CTNNA3: variants seen among roughly 807,000 people sequenced by gnomAD.
CTNNA3 encodes the protein catenin alpha 3.
CTNNA3 carries 76 observed loss-of-function variants against 95.7 expected under a neutral mutation model. The ratio of observed to expected loss-of-function variants is 0.79; its 90% CI spans 0.66 to 0.96. CTNNA3 has a LOEUF of 0.96. CTNNA3 is among the 40% of genes least tolerant of loss of function. CTNNA3 has a pLI of 0.00. For missense variants in CTNNA3, 1,191 were observed against 1,089.8 expected, an observed-to-expected ratio of 1.09 and a Z score of -1.31; for synonymous variants, 431 against 374.4, an observed-to-expected ratio of 1.15 and a Z score of -1.74.
intron 17 of CTNNA3, among the ~76,000 whole-genome samples, chr10:65,946,070 T>C (rs777296084): frequency 6.6e-6 from 1 of 152,240 alleles, no homozygotes; most frequent in African/African-American, 2.4e-5. Context: ...GATATGGCTC[T>C]GCCTCTTAAT....
At chr10:67,248,567 C>T (rs1217460633) in intron 5 of CTNNA3, among the ~76,000 whole-genome samples, 2 of 152,018 alleles carry the variant, frequency 1.3e-5, no homozygotes, top group Non-Finnish European at 2.9e-5. Context: ...AGGCATACAC[C>T]ACCACACTTG....
At chr10:67,168,181 C>T (rs1861864940) in intron 7 of CTNNA3, among the ~76,000 whole-genome samples, 1 of 152,026 alleles carries the variant, frequency 6.6e-6, no homozygotes, top group South Asian at 2.1e-4. Flanking sequence ...ATGATGTAGC[C>T]AAATTCTATT....
intron 5 of CTNNA3, among the ~76,000 whole-genome samples, chr10:67,333,856 T>C (rs1385330951): frequency 1.3e-5 from 2 of 152,154 alleles, no homozygotes; most frequent in East Asian, 3.9e-4. Context: ...AATCAACTGA[T>C]AATGGCTGGC....
At chr10:66,747,262 A>C (rs142800763) in intron 9 of CTNNA3, among the ~76,000 whole-genome samples, 210 of 152,328 alleles carry the variant, frequency 1.4e-3, no homozygotes, top group African/African-American at 4.6e-3. Flanking sequence ...AAAGGCACTC[A>C]GTCTGTTAAC....
chr10:67,689,983 G>T (rs1387878967), intron 1 of CTNNA3, among the ~76,000 whole-genome samples: 1 of 152,176 alleles, frequency 6.6e-6, no homozygotes, highest in African/African-American at 2.4e-5. Context: ...GTCCAGAATT[G>T]GTTGCTTCTG....
intron 7 of CTNNA3, among the ~76,000 whole-genome samples, chr10:67,007,260 C>T (rs1427976519): frequency 1.3e-5 from 2 of 152,138 alleles, no homozygotes; most frequent in Non-Finnish European, 2.9e-5. Flanking sequence ...CTGTGACTCA[C>T]CATGTATTTC....
At chr10:67,261,594 G>A (rs374581545) in intron 5 of CTNNA3, among the ~76,000 whole-genome samples, 273 of 152,226 alleles carry the variant, frequency 1.8e-3, no homozygotes, top group South Asian at 0.013. Context: ...ACTACATTGC[G>A]TAACATCACC....
At chr10:67,685,834 T>G (rs1308429409) in intron 1 of CTNNA3, among the ~76,000 whole-genome samples, 1 of 152,120 alleles carries the variant, frequency 6.6e-6, no homozygotes, top group African/African-American at 2.4e-5. Flanking sequence ...CTCTTCCTCT[T>G]TCCTTGTTTG....
chr10:66,757,092 G>A (rs557825031), intron 9 of CTNNA3, among the ~76,000 whole-genome samples: 1 of 152,270 alleles, frequency 6.6e-6, no homozygotes, highest in African/African-American at 2.4e-5. Flanking sequence ...TTCATGCACA[G>A]CAATAATTGA....
intron 5 of CTNNA3, among the ~76,000 whole-genome samples, chr10:67,322,573 A>G (rs1841367826): frequency 6.6e-6 from 1 of 152,214 alleles, no homozygotes; most frequent in South Asian, 2.1e-4. Context: ...TTATAGATGC[A>G]TAGTATTCCA....
intron 7 of CTNNA3, among the ~76,000 whole-genome samples, chr10:67,169,435 T>G (rs1228640972): frequency 6.6e-6 from 1 of 151,952 alleles, no homozygotes; most frequent in African/African-American, 2.4e-5. Flanking sequence ...AAAAGACACG[T>G]AGACCAGTGG....
chr10:67,746,134 C>G (rs11814505), intron 1 of CTNNA3, among the ~76,000 whole-genome samples: 18,971 of 152,064 alleles, frequency 0.12, 1,769 homozygotes, highest in African/African-American at 0.27. Flanking sequence ...TGAGGAAAAA[C>G]AACAAAGCTG....
intron 13 of CTNNA3, among the ~76,000 whole-genome samples, chr10:66,167,117 T>G (rs1438237148): frequency 2.0e-5 from 3 of 152,082 alleles, no homozygotes; most frequent in Admixed American, 2.0e-4. Flanking sequence ...CACATATGCC[T>G]CTCAGAAAGA....
In CTNNA3 at chr10:65,916,812, A is replaced by G. The variant is rs1354519546; in HGVS notation, c.*3518T>C. ...AAATTGTTAGCAATTAACAGAGGAT[A>G]CCTAGCCCAGAGGTGGGTGAGATGA... On this transcript the variant is annotated 3_prime_UTR_variant, in exon 18 of 18. Transcript: ENST00000433211. 1.3e-5 allele frequency: 2 copies of G among 152,140 alleles called. No individual in the cohort carries two copies. Among genetic ancestry groups the G allele is most frequent in the South Asian group, 2.1e-4 (1 of 4,828 alleles). 9.4% of individuals were successfully genotyped at this position (152,140 alleles called of 1,614,324 possible).
At chr10:66,880,789 A>G (rs1844819332) in intron 7 of CTNNA3, among the ~76,000 whole-genome samples, 1 of 152,112 alleles carries the variant, frequency 6.6e-6, no homozygotes. Flanking sequence ...AGCAAATGGC[A>G]GCCGTTTGCA....
chr10:67,607,122 C>G, intron 2 of CTNNA3, 73 bp from the exon 3 acceptor site: 1 of 1,234,058 alleles, frequency 8.1e-7, no homozygotes, highest in Non-Finnish European at 1.1e-6. Flanking sequence ...TATTACAGAC[C>G]AGAACAAAAG....
chr10:67,426,661 T>G (rs1223123610), intron 5 of CTNNA3, among the ~76,000 whole-genome samples: 1 of 151,376 alleles, frequency 6.6e-6, no homozygotes, highest in Non-Finnish European at 1.5e-5. Context: ...TGTCGGGAGG[T>G]GGGAGCCTGG....
At chr10:66,190,125 T>C (rs574794318) in intron 13 of CTNNA3, among the ~76,000 whole-genome samples, 2 of 152,174 alleles carry the variant, frequency 1.3e-5, no homozygotes, top group Non-Finnish European at 2.9e-5. Flanking sequence ...TAACACATTG[T>C]AATCAAACTG....
At chr10:67,628,255 A>G (rs1839025092) in intron 2 of CTNNA3, among the ~76,000 whole-genome samples, 1 of 146,538 alleles carries the variant, frequency 6.8e-6, no homozygotes, top group Non-Finnish European at 1.5e-5. Flanking sequence ...AACTGCAAAA[A>G]AAAAAAAAGG....
Sources: allele counts gnomAD v4.1 joint callset (sites outside exome capture counted in the v4.1 genomes callset), GRCh38; gene constraint gnomAD v4.1.1; transcripts MANE v1.5; gene names NCBI Gene and HGNC (gene_info 2026-07-23, HGNC 2026-07-21).